The following MAD1L1 variants were observed in gnomAD, a reference collection of about 807,000 sequenced individuals.
MAD1L1 encodes mitotic arrest deficient 1 like 1, also known as mitotic spindle assembly checkpoint protein MAD1.
In MAD1L1, 95 loss-of-function variants were observed where a neutral mutation model predicts 96.9. The observed-to-expected ratio is 0.98, with a 90% CI of 0.83 to 1.16. The LOEUF (loss-of-function observed/expected upper bound fraction) is 1.16. MAD1L1 is among the 50% of genes most tolerant of loss of function. The pLI is 0.00. For synonymous variants in MAD1L1, 473 were observed against 396.6 expected (o/e 1.19, Z -2.29); for missense variants, 1,007 against 954.4 (o/e 1.06, Z -0.73).
intron 10 of MAD1L1, among the ~76,000 whole-genome samples, chr7:2,182,327 A>C (rs1791239803): frequency 1.3e-5 from 2 of 152,002 alleles, no homozygotes; most frequent in Non-Finnish European, 2.9e-5. Context: ...GCTAACCATA[A>C]GAAAAAAGAC....
chr7:2,149,125 A>C, intron 11 of MAD1L1, 27 bp downstream of exon 11: 1 of 1,611,256 alleles, frequency 6.2e-7, no homozygotes, highest in Non-Finnish European at 8.5e-7. Context: ...ACGCATCCCC[A>C]CAAGCACCCT....
intron 11 of MAD1L1, chr7:2,109,424 A>C (rs1787265907): frequency 6.6e-6 from 1 of 152,148 alleles, no homozygotes; most frequent in Non-Finnish European, 1.5e-5. Flanking sequence ...CCAGGAGGAC[A>C]CTCAAGAGTG....
intron 17 of MAD1L1, among the ~76,000 whole-genome samples, chr7:1,909,568 C>CG (rs1262681806): frequency 2.6e-5 from 4 of 152,170 alleles, no homozygotes; most frequent in Admixed American, 1.3e-4. Context: ...CGGGACCCCC[C>CG]GGGATGTCAC....
rs969851185 is a variant in MAD1L1, at chr7:2,102,063, G to A, written c.1074-32725C>T. ...GAGTCTCCCCAGCAGAAGAGGCTGA[G>A]AGCACAGGATAAGGTGAAAACGCAG... On this transcript the variant is annotated intron_variant, in intron 11 of 18. Transcript: ENST00000265854. Among the ~76,000 whole-genome samples the A allele has an allele frequency of 3.9e-5, 6 of 152,134 alleles. No homozygotes were observed. In the South Asian group the frequency reaches 1.2e-3, roughly 32 times the overall value.
intron 10 of MAD1L1, among the ~76,000 whole-genome samples, chr7:2,168,084 A>C (rs1790525226): frequency 5.3e-5 from 8 of 152,202 alleles, no homozygotes; most frequent in Admixed American, 5.2e-4. Context: ...CAGGAGTTCA[A>C]GAACAGCCTG....
intron 17 of MAD1L1, among the ~76,000 whole-genome samples, chr7:1,936,349 G>C (rs1279168696): frequency 2.0e-5 from 3 of 152,234 alleles, no homozygotes; most frequent in African/African-American, 7.2e-5. Flanking sequence ...AGATGGACTT[G>C]TTTTCGTGGA....
At chr7:1,827,432 T>TCC (rs1782457221) in intron 18 of MAD1L1, among the ~76,000 whole-genome samples, 4 of 123,126 alleles carry the variant, frequency 3.2e-5, no homozygotes, top group African/African-American at 3.1e-5. Context: ...CCTGAGCCCG[T>TCC]CGCGGGTGTG....
intron 18 of MAD1L1, chr7:1,847,560 G>T (rs1409853342): frequency 2.1e-6 from 1 of 471,096 alleles, no homozygotes; most frequent in Non-Finnish European, 4.4e-6. Flanking sequence ...CTGTCCAGCA[G>T]CTGCCTTCGG....
chr7:2,019,515 C>A (rs749799566), intron 12 of MAD1L1, among the ~76,000 whole-genome samples: 1 of 152,202 alleles, frequency 6.6e-6, no homozygotes, highest in Admixed American at 6.5e-5. Context: ...AACGGGGGCA[C>A]GAATGCCCCA....
At chr7:2,228,284 G>C (rs1347141714) in intron 3 of MAD1L1, among the ~76,000 whole-genome samples, 1 of 152,112 alleles carries the variant, frequency 6.6e-6, no homozygotes, top group East Asian at 1.9e-4. Context: ...TTTCAGACCA[G>C]AGTTGCCAAC....
intron 11 of MAD1L1, among the ~76,000 whole-genome samples, chr7:2,094,587 G>A (rs1455001939): frequency 6.6e-6 from 1 of 152,240 alleles, no homozygotes; most frequent in African/African-American, 2.4e-5. Context: ...AAGTCAGGAA[G>A]GCTGCTGCTA....
intron 11 of MAD1L1, among the ~76,000 whole-genome samples, chr7:2,134,052 T>G (rs1247362260): frequency 6.6e-6 from 1 of 152,252 alleles, no homozygotes; most frequent in Non-Finnish European, 1.5e-5. Context: ...AATCTGTTGA[T>G]ATCCACAAAT....
chr7:2,113,658 A>C (rs1432421693), intron 11 of MAD1L1, among the ~76,000 whole-genome samples: 1 of 152,202 alleles, frequency 6.6e-6, no homozygotes, highest in African/African-American at 2.4e-5. Context: ...TCAGAACAAA[A>C]GCCGCAGCCA....
At chr7:2,109,838 T>C (rs1787285526) in intron 11 of MAD1L1, among the ~76,000 whole-genome samples, 1 of 152,274 alleles carries the variant, frequency 6.6e-6, no homozygotes, top group Non-Finnish European at 1.5e-5. Context: ...AAGATTCATA[T>C]CTTACAGGAT....
chr7:1,871,651 C>G (rs1367218961), intron 18 of MAD1L1, among the ~76,000 whole-genome samples: 1 of 151,208 alleles, frequency 6.6e-6, no homozygotes, highest in African/African-American at 2.4e-5. Context: ...ATACGCCTGC[C>G]ATGCTGAACC....
At chr7:2,215,077 A>C (rs1467720208) in intron 9 of MAD1L1, among the ~76,000 whole-genome samples, 3 of 152,078 alleles carry the variant, frequency 2.0e-5, no homozygotes, top group Non-Finnish European at 4.4e-5. Context: ...ACAAAAAAAA[A>C]TTTAACATTT....
chr7:2,136,220 C>A (rs3778994), intron 11 of MAD1L1, among the ~76,000 whole-genome samples: 53,439 of 152,134 alleles, frequency 0.35, 9,973 homozygotes, highest in East Asian at 0.51. Flanking sequence ...TCATGCCCTG[C>A]GGAAGCGACC....
chr7:2,178,902 A>AG (rs1304575701), intron 10 of MAD1L1, among the ~76,000 whole-genome samples: 1 of 151,692 alleles, frequency 6.6e-6, no homozygotes, highest in African/African-American at 2.4e-5. Flanking sequence ...AAAAAAAAAA[A>AG]GAAAAGAAAA....
chr7:1,977,526 AG>A (rs1173204831), intron 15 of MAD1L1, among the ~76,000 whole-genome samples: 4 of 152,204 alleles, frequency 2.6e-5, no homozygotes, highest in Admixed American at 1.3e-4. Context: ...AAGCAGAGGG[AG>A]CCGGCTCCGG....
Sources: gnomAD v4.1 joint callset for allele counts (sites outside exome capture counted in the v4.1 genomes callset) on GRCh38, gnomAD v4.1.1 for gene constraint, MANE v1.5 for transcripts, NCBI Gene and HGNC (gene_info 2026-07-23, HGNC 2026-07-21) for gene names.